The following SIPA1L2 variants were observed in gnomAD, a reference collection of about 807,000 sequenced individuals.
SIPA1L2 encodes the protein signal induced proliferation associated 1 like 2, also known as signal-induced proliferation-associated 1-like protein 2.
A neutral mutation model predicts 163.9 loss-of-function variants in SIPA1L2; 56 were observed. The ratio of observed to expected loss-of-function variants is 0.34; its 90% confidence interval spans 0.28 to 0.43. The LOEUF is 0.43. Among genes scored for constraint, SIPA1L2 ranks in the 20% least tolerant of loss-of-function variants. The probability of loss-of-function intolerance (pLI) is 1.00; values close to 1 mark genes in which losing one functional copy is unlikely to be tolerated. For synonymous variants in SIPA1L2, 877 were observed against 865.7 expected (o/e 1.01, Z -0.23); for missense variants, 1,974 against 2,193.5 (o/e 0.90, Z 2.00).
intron 6 of SIPA1L2, among the ~76,000 whole-genome samples, chr1:232,483,405 C>T (rs969253862): frequency 6.6e-6 from 1 of 152,106 alleles, no homozygotes; most frequent in African/African-American, 2.4e-5. Context: ...AATAACACAG[C>T]ATGAATGGAT....
chr1:232,409,671 C>A (rs967308544), intron 19 of SIPA1L2, among the ~76,000 whole-genome samples: 3 of 152,200 alleles, frequency 2.0e-5, no homozygotes, highest in Non-Finnish European at 2.9e-5. Flanking sequence ...AGGGGTCCCA[C>A]TAGGCCTCAG....
At chr1:232,588,295 C>A (rs970198535) in intron 1 of SIPA1L2, among the ~76,000 whole-genome samples, 1 of 152,114 alleles carries the variant, frequency 6.6e-6, no homozygotes, top group Non-Finnish European at 1.5e-5. Context: ...ATCTGGCAGG[C>A]ATTTTAAAGA....
Position 232,514,288 on chromosome 1 carries a change from A to C in SIPA1L2, c.1052T>G (p.Val351Gly), listed in dbSNP as rs755711255. The C allele has an allele frequency of 1.2e-6, 2 of 1,613,794 alleles. No homozygotes were observed. The highest frequency in any genetic ancestry group is 1.7e-6 in the Non-Finnish European group (2 of 1,180,022). Residue 351 changes from valine (V) to glycine (G), a missense_variant, in exon 3 of 23, where the codon GTG becomes GGG. By Grantham distance (109) the Val-to-Gly change is moderately radical. Transcript: ENST00000674635. The part of the protein sequence containing the change: ...INEAMATRAN[V>G]GKRKNITTGA... ...AGTGGTTATGTTTTTCCTTTTCCCC[A>C]CATTAGCCCTCGTAGCCATGGCTTC...
chr1:232,422,694 A>C (rs1661641724), intron 18 of SIPA1L2, among the ~76,000 whole-genome samples: 1 of 152,232 alleles, frequency 6.6e-6, no homozygotes, highest in African/African-American at 2.4e-5. Context: ...AACCATCTGG[A>C]ACCAACCTCT....
intron 2 of SIPA1L2, among the ~76,000 whole-genome samples, chr1:232,565,191 TTAGA>T (rs1659334520): frequency 6.6e-6 from 1 of 152,212 alleles, no homozygotes; most frequent in African/African-American, 2.4e-5. Flanking sequence ...GATAAAAACC[TTAGA>T]TAGGTGAAGT....
chr1:232,619,725 A>G (rs1418122022), intron 1 of SIPA1L2, among the ~76,000 whole-genome samples: 1 of 152,196 alleles, frequency 6.6e-6, no homozygotes, highest in Non-Finnish European at 1.5e-5. Context: ...CCAGCATTTA[A>G]AAAGACTTCA....
At chr1:232,479,485 A>G (rs1246228092) in intron 7 of SIPA1L2, 142 bp downstream of exon 7, 14 of 671,038 alleles carry the variant, frequency 2.1e-5, no homozygotes, top group Non-Finnish European at 3.6e-5. Context: ...CTTCCAAATG[A>G]TCAAAGAGTC....
At chr1:232,530,249 G>C (rs958365891) in intron 2 of SIPA1L2, among the ~76,000 whole-genome samples, 5 of 152,060 alleles carry the variant, frequency 3.3e-5, no homozygotes, top group Non-Finnish European at 7.4e-5. Flanking sequence ...AAGCAGCTGG[G>C]ACCACAGGCG....
intron 2 of SIPA1L2, among the ~76,000 whole-genome samples, chr1:232,527,606 A>C (rs1303983433): frequency 6.6e-6 from 1 of 152,174 alleles, no homozygotes; most frequent in Admixed American, 6.5e-5. Flanking sequence ...AGAAGTTCAT[A>C]ACACTAAAGA....
At chr1:232,442,004 T>C in intron 12 of SIPA1L2, 136 bp from the exon 13 acceptor site, 1 of 674,472 alleles carries the variant, frequency 1.5e-6, no homozygotes, top group South Asian at 2.0e-5. Context: ...CAAATGAAAA[T>C]GCAAATTGTC....
chr1:232,600,213 A>G (rs1433434536), intron 1 of SIPA1L2, among the ~76,000 whole-genome samples: 1 of 152,194 alleles, frequency 6.6e-6, no homozygotes, highest in Admixed American at 6.5e-5. Context: ...ATGAAGGGGC[A>G]GTGTTGGTGA....
At chr1:232,495,722 G>C (rs1443622046) in intron 3 of SIPA1L2, among the ~76,000 whole-genome samples, 1 of 152,106 alleles carries the variant, frequency 6.6e-6, no homozygotes, top group Non-Finnish European at 1.5e-5. Context: ...TACCAATGGT[G>C]GTCCCATGAG....
At chr1:232,494,344 T>C (rs4649380) in intron 3 of SIPA1L2, among the ~76,000 whole-genome samples, 38,282 of 152,106 alleles carry the variant, frequency 0.25, 4,961 homozygotes, top group Admixed American at 0.35. Flanking sequence ...TCCATCTACA[T>C]GGAAAGGGTG....
intron 10 of SIPA1L2, among the ~76,000 whole-genome samples, chr1:232,448,629 C>T (rs11586498): frequency 0.17 from 26,053 of 152,158 alleles, 4,301 homozygotes; most frequent in East Asian, 0.56. Context: ...GGTTATGGCT[C>T]AGCAGAGCAG....
chr1:232,537,902 TCTAA>T (rs1457296867), intron 2 of SIPA1L2, among the ~76,000 whole-genome samples: 1 of 152,244 alleles, frequency 6.6e-6, no homozygotes, highest in African/African-American at 2.4e-5. Flanking sequence ...CCTTTCTACC[TCTAA>T]CTATGATATT....
At chr1:232,625,469 C>T (rs1009855484) in intron 1 of SIPA1L2, among the ~76,000 whole-genome samples, 4 of 152,212 alleles carry the variant, frequency 2.6e-5, no homozygotes, top group Admixed American at 6.5e-5. Context: ...TTTGCAATGA[C>T]ATCAGCGCAA....
chr1:232,548,992 C>CT (rs1658221738), intron 2 of SIPA1L2, among the ~76,000 whole-genome samples: 1 of 152,218 alleles, frequency 6.6e-6, no homozygotes, highest in Non-Finnish European at 1.5e-5. Flanking sequence ...TAGCCAGAGG[C>CT]TTGAATAACA....
intron 10 of SIPA1L2, among the ~76,000 whole-genome samples, chr1:232,457,979 G>T (rs1184857367): frequency 6.6e-6 from 1 of 152,170 alleles, no homozygotes; most frequent in Non-Finnish European, 1.5e-5. Context: ...TACAAATTCA[G>T]ATTCCTAGAA....
chr1:232,428,519 C>A lies in SIPA1L2; in HGVS notation c.4302G>T (p.Gln1434His). ...CTGCAACAGCATCTCCCACCACTGT[C>A]TGATGCTGAGTTGCTGTGGACATGA... is the stretch of plus-strand genomic sequence containing the variant. ...MDVMSTATQH[Q>H]TVVGDAVAET... is the part of the protein sequence containing the mutation. The change falls in exon 17 of 23, where the codon CAG (glutamine) becomes CAT (histidine). Residue 1434 changes from glutamine (Q) to histidine (H), a missense_variant. Physicochemically the swap from Gln to His is conservative, Grantham distance 24 (BLOSUM62 0). Coordinates refer to ENST00000674635, the MANE Select transcript of SIPA1L2 (RefSeq NM_020808.5). 1 of 1,592,948 alleles carries A rather than the reference C, an allele frequency of 6.3e-7. No homozygotes were observed. Among genetic ancestry groups the A allele is most frequent in the Non-Finnish European group, 8.5e-7 (1 of 1,171,644 alleles).
Sources: allele counts gnomAD v4.1 joint callset (sites outside exome capture counted in the v4.1 genomes callset), GRCh38; gene constraint gnomAD v4.1.1; transcripts MANE v1.5; gene names NCBI Gene and HGNC (gene_info 2026-07-23, HGNC 2026-07-21).